DTNA: variants seen among roughly 807,000 people sequenced by gnomAD.
DTNA encodes dystrophin-related protein 3.
In DTNA, 43 loss-of-function variants were observed where a neutral mutation model predicts 100.7. That is an observed-to-expected ratio of 0.43 (90% CI 0.33 to 0.55). The LOEUF (loss-of-function observed/expected upper bound fraction) is 0.55. DTNA is among the 20% of genes least tolerant of loss of function. DTNA has a pLI of 0.04. For missense variants in DTNA, 798 were observed against 953.9 expected (o/e 0.84, Z 2.15); for synonymous variants, 349 against 347.9 (o/e 1.00, Z -0.04).
In DTNA at chr18:34,622,631, A is replaced by G. The variant is rs574055613; in HGVS notation, c.-2+129117A>G. ...TCTGCTGGCAGCCCAGAGAGAACCA[A>G]AACAGAGACAAGGTGAATATGTTAT... On this transcript the variant is annotated intron_variant, in intron 1 of 19. Transcript: ENST00000283365. Among the ~76,000 whole-genome samples the G allele has an allele frequency of 3.3e-5, 5 of 152,316 alleles. No homozygotes were observed. The South Asian group carries it at 1.0e-3, about 32-fold the overall frequency.
rs144221387 is a variant in DTNA, at chr18:34,639,388, T to G, written c.-1-116588T>G. On this transcript the variant is annotated intron_variant, in intron 1 of 19. Transcript: ENST00000283365. ...TGGAGAGAAACAGCAAAATTGCTCC[T>G]GGTTGAGACCCTCTTGCCTGGGCCC... Among the ~76,000 whole-genome samples the G allele has an allele frequency of 2.5e-3, 377 of 152,344 alleles. 1 individual carries two copies. The highest frequency in any genetic ancestry group is 8.4e-3 in the African/African-American group (350 of 41,578).
At chr18:34,769,581 A>G (rs564484751) in intron 3 of DTNA, among the ~76,000 whole-genome samples, 22 of 152,112 alleles carry the variant, frequency 1.4e-4, no homozygotes, top group African/African-American at 5.3e-4. Context: ...AACAACATTT[A>G]TTTCTCATAG....
intron 1 of DTNA, among the ~76,000 whole-genome samples, chr18:34,601,568 G>T (rs576073149): frequency 6.6e-6 from 1 of 152,128 alleles, no homozygotes; most frequent in Non-Finnish European, 1.5e-5. Context: ...TGGATAATAG[G>T]CAGCCTAAAA....
At chr18:34,563,786 T>C (rs1185453333) in intron 1 of DTNA, among the ~76,000 whole-genome samples, 1 of 152,182 alleles carries the variant, frequency 6.6e-6, no homozygotes, top group Non-Finnish European at 1.5e-5. Context: ...CTAAACTACA[T>C]TCAGAAAATG....
At chr18:34,878,143 TTTG>T (rs1012485119) in intron 19 of DTNA, among the ~76,000 whole-genome samples, 2 of 152,134 alleles carry the variant, frequency 1.3e-5, no homozygotes, top group African/African-American at 4.8e-5. Context: ...TGGCTAATTT[TTTG>T]TTGTTGTTTT....
intron 17 of DTNA, among the ~76,000 whole-genome samples, chr18:34,865,007 T>G (rs1467438680): frequency 6.6e-6 from 1 of 152,236 alleles, no homozygotes; most frequent in Non-Finnish European, 1.5e-5. Context: ...GCCACATGTC[T>G]ACAGTCAGCC....
intron 17 of DTNA, among the ~76,000 whole-genome samples, chr18:34,864,946 T>C (rs1208840559): frequency 6.6e-6 from 1 of 152,238 alleles, no homozygotes; most frequent in Non-Finnish European, 1.5e-5. Flanking sequence ...CCTTATTCCC[T>C]TCTTTAGTAT....
intron 1 of DTNA, among the ~76,000 whole-genome samples, chr18:34,531,844 G>A (rs1170832054): frequency 6.6e-6 from 1 of 152,104 alleles, no homozygotes. Context: ...TAATTTTTAA[G>A]TGGCCAAACA....
At chr18:34,498,279 G>T (rs1022334901) in intron 1 of DTNA, among the ~76,000 whole-genome samples, 3 of 151,728 alleles carry the variant, frequency 2.0e-5, no homozygotes, top group African/African-American at 4.8e-5. Flanking sequence ...AGATTAGCTG[G>T]GGGTGGTGGC....
chr18:34,793,819 C>G (rs2094852991), intron 3 of DTNA, among the ~76,000 whole-genome samples: 1 of 152,172 alleles, frequency 6.6e-6, no homozygotes. Flanking sequence ...AAATAACTAT[C>G]TATTGTGGTG....
intron 13 of DTNA, among the ~76,000 whole-genome samples, chr18:34,840,381 AT>A (rs1012325110): frequency 2.6e-5 from 4 of 151,782 alleles, no homozygotes; most frequent in South Asian, 4.2e-4. Context: ...TAAGCATTGA[AT>A]TTTTTTTTAA....
chr18:34,595,392 C>A lies in DTNA; in HGVS notation c.-2+101878C>A, dbSNP rs537539313. Among the ~76,000 whole-genome samples, 18 of 150,268 alleles carry A rather than the reference C, an allele frequency of 1.2e-4. No individual in the cohort carries two copies. The South Asian group carries it at 1.9e-3, about 16-fold the overall frequency. On this transcript the variant is annotated intron_variant, in intron 1 of 19. Coordinates refer to the DTNA transcript ENST00000283365. ...TTTTTTTCAGTGTGTCAAAAAAAAA[C>A]ACAAAAAAGAACACAAAATGTAAAA...
chr18:34,596,991 A>C (rs2050755783), intron 1 of DTNA, among the ~76,000 whole-genome samples: 1 of 152,008 alleles, frequency 6.6e-6, no homozygotes, highest in African/African-American at 2.4e-5. Flanking sequence ...TCCTAATGCT[A>C]TCCCTCCCCT....
chr18:34,829,356 T>C, intron 10 of DTNA, 44 bp from the exon 11 acceptor site: 1 of 1,534,444 alleles, frequency 6.5e-7, no homozygotes, highest in Non-Finnish European at 8.7e-7. Flanking sequence ...CCTTGCTCTG[T>C]CCATGGGAAG....
intron 17 of DTNA, among the ~76,000 whole-genome samples, chr18:34,869,776 C>T (rs900125221): frequency 4.6e-5 from 7 of 152,214 alleles, no homozygotes; most frequent in Non-Finnish European, 7.3e-5. Flanking sequence ...AATCCCAGCA[C>T]TTTGGGAGGC....
intron 1 of DTNA, among the ~76,000 whole-genome samples, chr18:34,738,714 G>A (rs569165518): frequency 2.0e-5 from 3 of 152,274 alleles, no homozygotes; most frequent in Admixed American, 6.5e-5. Flanking sequence ...AGCGCGTGAC[G>A]GTGAGGAATG....
intron 1 of DTNA, among the ~76,000 whole-genome samples, chr18:34,739,798 A>G (rs1291359214): frequency 6.6e-6 from 1 of 152,140 alleles, no homozygotes. Context: ...TCTGAGTTTC[A>G]TTGTTCTCAT....
Position 34,889,045 on chromosome 18 carries a change from G to A in DTNA, c.*1311G>A, listed in dbSNP as rs545904268. 223 of 985,762 alleles carry A rather than the reference G, an allele frequency of 2.3e-4. 1 individual carries two copies. The South Asian group carries it at 3.4e-3, about 15-fold the overall frequency. 61.1% of individuals were successfully genotyped at this position (985,762 alleles called of 1,614,324 possible). ...AAAGACTGGGATAGTCTTTTCCAAG[G>A]ACCCTCTTTAGAGGGCCCTAAAGAC... On this transcript the variant is annotated 3_prime_UTR_variant, in exon 23 of 23. Coordinates refer to ENST00000444659, the MANE Select transcript of DTNA (RefSeq NM_001386795.1).
intron 20 of DTNA, among the ~76,000 whole-genome samples, chr18:34,881,436 G>GATTTTTTTTTTTTTTTTTTTT (rs1603350679): frequency 1.5e-5 from 1 of 68,424 alleles, no homozygotes; most frequent in Non-Finnish European, 2.8e-5. Context: ...TAATTAAAAT[G>GATTTTTTTTTTTTTTTTTTTT]CTTTTTTTTT....
Sources: allele counts gnomAD v4.1 joint callset (sites outside exome capture counted in the v4.1 genomes callset), GRCh38; gene constraint gnomAD v4.1.1; transcripts MANE v1.5; gene names NCBI Gene and HGNC (gene_info 2026-07-23, HGNC 2026-07-21).